ZDHHC16: variants seen among roughly 807,000 people sequenced by gnomAD.
The protein encoded by ZDHHC16 is palmitoyltransferase ZDHHC16.
A neutral mutation model predicts 54.4 loss-of-function variants in ZDHHC16; 33 were observed. That is an observed-to-expected ratio of 0.61 (90% confidence interval 0.46 to 0.81). The LOEUF is 0.81. Ranked by LOEUF, ZDHHC16 falls within the 30% of genes least tolerant of loss-of-function variation. ZDHHC16 has a pLI of 0.00. For synonymous variants in ZDHHC16, 185 were observed against 182.1 expected (o/e 1.02, Z -0.13); for missense variants, 420 against 485.9 (o/e 0.86, Z 1.28).
At chr10:97,451,477 A>G (rs1168173552) in intron 2 of ZDHHC16, among the ~76,000 whole-genome samples, 194 bp from the exon 3 acceptor site, 2 of 152,184 alleles carry the variant, frequency 1.3e-5, no homozygotes, top group Non-Finnish European at 2.9e-5. Flanking sequence ...TACTCCCTTA[A>G]TCTGGTTGGA....
At chr10:97,450,585 CTG>C (rs1846520665) in intron 2 of ZDHHC16, 49 bp downstream of exon 2, 1 of 152,170 alleles carries the variant, frequency 6.6e-6, no homozygotes, top group Admixed American at 6.5e-5. Flanking sequence ...ACTGATGAAA[CTG>C]TCATCGAAGG....
At chr10:97,453,330 A>G (rs900612595) in intron 6 of ZDHHC16, among the ~76,000 whole-genome samples, 200 bp from the exon 7 acceptor site, 7 of 152,150 alleles carry the variant, frequency 4.6e-5, no homozygotes, top group Non-Finnish European at 1.0e-4. Flanking sequence ...TGGGACCTGA[A>G]TGCTCTGAAA....
chr10:97,448,189 G>A (rs2133189383), intron 1 of ZDHHC16: 1 of 152,308 alleles, frequency 6.6e-6, no homozygotes, highest in African/African-American at 2.4e-5. Context: ...TTATGAATCA[G>A]GAAGAATGAT....
chr10:97,452,661 T>C, intron 5 of ZDHHC16, 158 bp downstream of exon 5: 1 of 937,678 alleles, frequency 1.1e-6, no homozygotes, highest in Non-Finnish European at 1.6e-6. Flanking sequence ...AGGATGGTCC[T>C]GTGAGTTAGG....
At chr10:97,455,549 A>G (rs1256527218) in intron 9 of ZDHHC16, 111 bp from the exon 10 acceptor site, 1 of 1,559,072 alleles carries the variant, frequency 6.4e-7, no homozygotes, top group Non-Finnish European at 8.8e-7. Flanking sequence ...GAGGTGAGGA[A>G]GACTTAGGTA....
chr10:97,451,973 G>C, intron 3 of ZDHHC16, 55 bp downstream of exon 3: 1 of 1,591,028 alleles, frequency 6.3e-7, no homozygotes, highest in Non-Finnish European at 8.6e-7. Flanking sequence ...AGAGGGACAT[G>C]TCTCTCACAG....
Position 97,453,810 on chromosome 10 carries a change from G to A in ZDHHC16, c.702G>A (p.Gln234=). 1 of 1,614,220 alleles carries A rather than the reference G, an allele frequency of 6.2e-7. No homozygotes were observed. Among genetic ancestry groups the A allele is most frequent in the Non-Finnish European group, 8.5e-7 (1 of 1,180,040 alleles). ...EAYAAIEKMK[Q]LDKNKLQAVA... ...TTCCGTCCCCTTAGAAAATGAAACA[G>A]CTCGACAAGAACAAACTACAGGCGG... The change falls in exon 8 of 12, where the codon CAG becomes CAA. Residue 234 remains glutamine (Q), a synonymous_variant. Transcript: ENST00000393760.
chr10:97,448,689 C>T (rs528111034), intron 1 of ZDHHC16, among the ~76,000 whole-genome samples: 2 of 152,192 alleles, frequency 1.3e-5, no homozygotes, highest in South Asian at 2.1e-4. Flanking sequence ...ACCCAGAAGG[C>T]GGAGGTTGCA....
chr10:97,453,377 C>G (rs868833416), intron 6 of ZDHHC16, among the ~76,000 whole-genome samples, 153 bp from the exon 7 acceptor site: 1 of 152,116 alleles, frequency 6.6e-6, no homozygotes, highest in Non-Finnish European at 1.5e-5. Flanking sequence ...TGGGTGTGAA[C>G]AGTCTTGTAT....
At chr10:97,447,756 T>C (rs987076231) in intron 1 of ZDHHC16, among the ~76,000 whole-genome samples, 2 of 152,038 alleles carry the variant, frequency 1.3e-5, no homozygotes, top group Non-Finnish European at 2.9e-5. Flanking sequence ...ACCCGGTCTC[T>C]ACTAAAAAAA....
rs759103133 is a variant in ZDHHC16, at chr10:97,451,762, A to G, written c.87A>G (p.Pro29=). The G allele has an allele frequency of 6.2e-7, 1 of 1,613,924 alleles. No homozygotes were observed. Among genetic ancestry groups the G allele is most frequent in the Admixed American group, 1.7e-5 (1 of 60,016 alleles). ...LLLLGYRRRC[P]PLLRGLVQRW... ...TGCTGGGTTACAGGCGCCGCTGTCCACCTCTACTCCGGGGTCTAGTACAGC... is the reference window on the plus strand; with the variant it reads ...TGCTGGGTTACAGGCGCCGCTGTCCGCCTCTACTCCGGGGTCTAGTACAGC... The change falls in exon 3 of 12, where the codon CCA becomes CCG. Residue 29 remains proline, a synonymous_variant. Coordinates refer to ENST00000393760, the MANE Select transcript of ZDHHC16 (RefSeq NM_198046.3).
At chr10:97,446,855 CT>C (rs11318690) in intron 1 of ZDHHC16, among the ~76,000 whole-genome samples, 68,438 of 152,086 alleles carry the variant, frequency 0.45, 16,509 homozygotes, top group African/African-American at 0.62. Flanking sequence ...GCAGCTGGGA[CT>C]TACAGGCGCG....
chr10:97,455,896 A>G, intron 10 of ZDHHC16, 78 bp from the exon 11 acceptor site: 8 of 1,606,818 alleles, frequency 5.0e-6, no homozygotes, highest in Non-Finnish European at 6.8e-6. Context: ...GGCCAGAACT[A>G]CTCTATCTGA....
At position 97,452,185 on chromosome 10, in the gene ZDHHC16, A is replaced by T; in HGVS notation, c.339A>T (p.Pro113=). 6.2e-7 allele frequency: 1 copy of T among 1,614,070 alleles called. No individual in the cohort carries two copies. Among genetic ancestry groups the T allele is most frequent in the Non-Finnish European group, 8.5e-7 (1 of 1,180,026 alleles). Residue 113 remains proline (P), a synonymous_variant, in exon 4 of 12, where the codon CCA becomes CCT. Transcript: ENST00000393760. The part of the protein sequence containing the change: ...LPLILRTYSV[P]RLCWHFFYSH... ...TCATCCTCCGAACCTACTCAGTGCC[A>T]CGACTCTGCTGGCATTTCTTCTATA... is the stretch of plus-strand genomic sequence containing the variant.
At chr10:97,447,970 T>TA (rs1216072964) in intron 1 of ZDHHC16, among the ~76,000 whole-genome samples, 6 of 152,098 alleles carry the variant, frequency 3.9e-5, no homozygotes, top group Admixed American at 1.3e-4. Context: ...GCGGCCCACT[T>TA]ACTACATATG....
intron 9 of ZDHHC16, 48 bp downstream of exon 9, chr10:97,454,847 GTTT>G (rs1342272129): frequency 1.3e-6 from 2 of 1,553,038 alleles, no homozygotes; most frequent in Admixed American, 1.7e-5. Flanking sequence ...CAGAAAAAAA[GTTT>G]TTTAGGTGCC....
At position 97,452,184 on chromosome 10, in the gene ZDHHC16, C is replaced by T; in HGVS notation, c.338C>T (p.Pro113Leu). 6.2e-7 allele frequency: 1 copy of T among 1,614,120 alleles called. No homozygotes were observed. The highest frequency in any genetic ancestry group is 1.1e-5 in the South Asian group (1 of 91,080). Residue 113 changes from proline (P) to leucine (L), a missense_variant, in exon 4 of 12, where the codon CCA (proline) becomes CTA (leucine). Pro to Leu is a moderately conservative substitution (Grantham distance 98). Coordinates refer to ENST00000393760, the MANE Select transcript of ZDHHC16 (RefSeq NM_198046.3). ...CTCATCCTCCGAACCTACTCAGTGCCACGACTCTGCTGGCATTTCTTCTAT... is the reference window on the plus strand; with the variant it reads ...CTCATCCTCCGAACCTACTCAGTGCTACGACTCTGCTGGCATTTCTTCTAT... ...LPLILRTYSV[P>L]RLCWHFFYSH...
At chr10:97,448,982 G>C (rs955397263) in intron 1 of ZDHHC16, among the ~76,000 whole-genome samples, 3 of 152,166 alleles carry the variant, frequency 2.0e-5, no homozygotes, top group Admixed American at 2.0e-4. Flanking sequence ...TATAGTTACA[G>C]AATCATAAAA....
intron 5 of ZDHHC16, 67 bp downstream of exon 5, chr10:97,452,570 A>T (rs1200727566): frequency 1.3e-6 from 2 of 1,527,712 alleles, no homozygotes; most frequent in Non-Finnish European, 1.8e-6. Flanking sequence ...GGCAAAACCT[A>T]ACCTTGAGTT....
Sources: allele counts gnomAD v4.1 joint callset (sites outside exome capture counted in the v4.1 genomes callset), GRCh38; gene constraint gnomAD v4.1.1; transcripts MANE v1.5; gene names NCBI Gene and HGNC (gene_info 2026-07-23, HGNC 2026-07-21).